The following LARGE1 variants were observed in gnomAD, a reference collection of about 807,000 sequenced individuals.
LARGE1 encodes the protein LARGE xylosyl- and glucuronyltransferase 1.
Under a neutral mutation model 87.6 loss-of-function variants are expected in LARGE1, and 43 were observed. That is an observed-to-expected ratio of 0.49 (90% CI 0.38 to 0.63). The LOEUF (loss-of-function observed/expected upper bound fraction) is 0.63. Ranked by LOEUF, LARGE1 falls within the 30% of genes least tolerant of loss-of-function variation. LARGE1 has a pLI of 0.00. For missense variants in LARGE1, 802 were observed against 1,000.2 expected (o/e 0.80, Z 2.67); for synonymous variants, 434 against 394.6 (o/e 1.10, Z -1.18).
Position 33,512,747 on chromosome 22 carries a change from G to A in LARGE1, c.787+52101C>T, listed in dbSNP as rs561562959. ...AAACCTGGAAGGCGGAAGTTGCAGT[G>A]AGCAGAGATTACACCACTACACTCC... is the stretch of plus-strand genomic sequence containing the variant. On this transcript the variant is annotated intron_variant, in intron 6 of 14. Coordinates refer to ENST00000397394, the MANE Select transcript of LARGE1 (RefSeq NM_133642.5). Among the ~76,000 whole-genome samples the A allele has an allele frequency of 5.3e-5, 8 of 152,294 alleles. No homozygotes were observed. In the South Asian group the frequency reaches 1.2e-3, roughly 24 times the overall value.
At chr22:33,505,992 G>A (rs2070745768) in intron 6 of LARGE1, among the ~76,000 whole-genome samples, 1 of 152,088 alleles carries the variant, frequency 6.6e-6, no homozygotes, top group African/African-American at 2.4e-5. Flanking sequence ...CATAGTAGGT[G>A]CCAATGTGCA....
intron 6 of LARGE1, among the ~76,000 whole-genome samples, chr22:33,502,645 T>G (rs2070517729): frequency 6.6e-6 from 1 of 151,934 alleles, no homozygotes. Flanking sequence ...CTCGGCTCAC[T>G]GCAAGCTCCG....
chr22:33,918,848 C>T (rs888099664), intron 1 of LARGE1, among the ~76,000 whole-genome samples: 9 of 152,066 alleles, frequency 5.9e-5, no homozygotes, highest in Admixed American at 4.6e-4. Flanking sequence ...GTCAGGGAGG[C>T]GGACGCCCCC....
intron 2 of LARGE1, among the ~76,000 whole-genome samples, chr22:33,710,602 A>G (rs550508056): frequency 3.3e-4 from 51 of 152,334 alleles, no homozygotes; most frequent in Middle Eastern, 3.4e-3. Flanking sequence ...AGGCATTTAG[A>G]CTGGACACAA....
At position 33,906,968 on chromosome 22, in the gene LARGE1, T is replaced by C. The variant is rs1182435711; in HGVS notation, c.-83+13027A>G. Reference sequence around the variant, plus strand: ...ATTTAATGAGCTCAAAAATGCTGTATTTCCAAAGGAGTTATAGATAATTCC... The same window carrying C: ...ATTTAATGAGCTCAAAAATGCTGTACTTCCAAAGGAGTTATAGATAATTCC... On this transcript the variant is annotated intron_variant, in intron 1 of 14. Transcript: ENST00000397394. Among the ~76,000 whole-genome samples, 5 of 152,036 alleles carry C rather than the reference T, an allele frequency of 3.3e-5. No homozygotes were observed. The East Asian group carries it at 9.7e-4, about 29-fold the overall frequency.
chr22:33,376,264 T>C (rs897584443), intron 9 of LARGE1, among the ~76,000 whole-genome samples: 8 of 152,268 alleles, frequency 5.3e-5, no homozygotes, highest in Non-Finnish European at 1.0e-4. Flanking sequence ...GATAGCTGTG[T>C]GCACTGTTTT....
At chr22:33,437,806 A>G (rs1253818160) in intron 6 of LARGE1, among the ~76,000 whole-genome samples, 6 of 152,230 alleles carry the variant, frequency 3.9e-5, no homozygotes, top group African/African-American at 1.4e-4. Flanking sequence ...GGGGGCAGCT[A>G]GAAGAGGAGA....
At chr22:33,672,457 C>T (rs1335402307) in intron 2 of LARGE1, among the ~76,000 whole-genome samples, 1 of 152,202 alleles carries the variant, frequency 6.6e-6, no homozygotes. Context: ...GTGAGAAAGA[C>T]TTTCCTGGTT....
intron 2 of LARGE1, among the ~76,000 whole-genome samples, chr22:33,680,103 C>T (rs2081712188): frequency 6.6e-6 from 1 of 152,138 alleles, no homozygotes; most frequent in Non-Finnish European, 1.5e-5. Context: ...TTGTTCCACT[C>T]AAAACAATGT....
chr22:33,701,220 C>G (rs2082396646), intron 2 of LARGE1, among the ~76,000 whole-genome samples: 1 of 152,008 alleles, frequency 6.6e-6, no homozygotes, highest in South Asian at 2.1e-4. Context: ...TGTCAGGATA[C>G]ATGATTGGAT....
rs201773978 is a variant in LARGE1, at chr22:33,180,782, ACT to A, written c.1731-13952_1731-13951del. Among the ~76,000 whole-genome samples the A allele has an allele frequency of 8.0e-3, 1,212 of 152,300 alleles. 55 individuals are homozygous for A. The South Asian group carries it at 0.12, about 15-fold the overall frequency. ...ATGAATACATGCTGCAACCTGGATAACTCTTGAAAACATTGTTCTAAATGAAA... is the reference window on the plus strand; with the variant it reads ...ATGAATACATGCTGCAACCTGGATAACTTGAAAACATTGTTCTAAATGAAA... On this transcript the variant is annotated intron_variant, in intron 11 of 11. Coordinates refer to the LARGE1 transcript ENST00000608642.
chr22:33,710,193 G>GAAAAA (rs3831699), intron 2 of LARGE1, among the ~76,000 whole-genome samples: 1 of 140,974 alleles, frequency 7.1e-6, no homozygotes, highest in African/African-American at 2.6e-5. Flanking sequence ...CAAGGAGATT[G>GAAAAA]AAAAAAAAAA....
chr22:33,640,642 C>A lies in LARGE1; in HGVS notation c.408+9725G>T, dbSNP rs542474595. On this transcript the variant is annotated intron_variant, in intron 3 of 14. Transcript: ENST00000397394. ...CAGGGAGCCAAGTGGTCTCACTCAG[C>A]TGGTCCCACTCCCACAGAGCCCAGC... Among the ~76,000 whole-genome samples, 6 of 152,266 alleles carry A rather than the reference C, an allele frequency of 3.9e-5. No individual in the cohort carries two copies. In the East Asian group the frequency reaches 1.2e-3, roughly 30 times the overall value.
At chr22:33,527,850 A>G (rs1320437369) in intron 6 of LARGE1, among the ~76,000 whole-genome samples, 1 of 152,208 alleles carries the variant, frequency 6.6e-6, no homozygotes, top group Non-Finnish European at 1.5e-5. Context: ...ATCTGCTCCT[A>G]GAGCAGGACT....
At chr22:33,261,088 T>G (rs1927599246) in intron 11 of LARGE1, among the ~76,000 whole-genome samples, 1 of 152,180 alleles carries the variant, frequency 6.6e-6, no homozygotes, top group East Asian at 1.9e-4. Context: ...TCAACACTCA[T>G]TCAGCATGCG....
At chr22:33,316,337 G>A (rs989087215) in intron 10 of LARGE1, 89 bp from the exon 11 acceptor site, 3 of 1,301,420 alleles carry the variant, frequency 2.3e-6, no homozygotes, top group Non-Finnish European at 2.2e-6. Flanking sequence ...CCTCCCCTGA[G>A]TTTATTACCC....
At chr22:33,897,904 G>A (rs1017440234) in intron 1 of LARGE1, among the ~76,000 whole-genome samples, 5 of 152,130 alleles carry the variant, frequency 3.3e-5, no homozygotes, top group Non-Finnish European at 7.3e-5. Context: ...CTGTTTCTCT[G>A]TAGTTCTGGG....
intron 6 of LARGE1, among the ~76,000 whole-genome samples, chr22:33,540,899 G>A (rs550160732): frequency 2.8e-4 from 42 of 151,928 alleles, no homozygotes; most frequent in Non-Finnish European, 5.4e-4. Context: ...TTTGAGAGGC[G>A]GAGGTAGGCG....
intron 1 of LARGE1, among the ~76,000 whole-genome samples, chr22:33,846,068 CTGTT>C (rs1469815054): frequency 6.6e-5 from 10 of 152,154 alleles, no homozygotes; most frequent in African/African-American, 2.2e-4. Flanking sequence ...GACAGCGTCT[CTGTT>C]TGTCATTTAA....
Sources: gnomAD v4.1 joint callset for allele counts (sites outside exome capture counted in the v4.1 genomes callset) on GRCh38, gnomAD v4.1.1 for gene constraint, MANE v1.5 for transcripts, NCBI Gene and HGNC (gene_info 2026-07-23, HGNC 2026-07-21) for gene names.